Variants in NCAM2 observed in about 807,000 individuals in gnomAD.
NCAM2 encodes N-CAM-2.
Under a neutral mutation model 98.1 loss-of-function variants are expected in NCAM2, and 30 were observed. That is an observed-to-expected ratio of 0.31 (90% CI 0.23 to 0.41). NCAM2 has a LOEUF of 0.41. Among genes scored for constraint, NCAM2 ranks in the 10% least tolerant of loss-of-function variants. NCAM2 has a pLI of 1.00. For synonymous variants in NCAM2, 368 were observed against 342.4 expected, an observed-to-expected ratio of 1.07 and a Z score of -0.83; for missense variants, 867 against 1,005.8, an observed-to-expected ratio of 0.86 and a Z score of 1.87.
chr21:21,475,304 G>A (rs73216069), intron 14 of NCAM2, among the ~76,000 whole-genome samples: 2,745 of 152,048 alleles, frequency 0.018, 44 homozygotes, highest in South Asian at 0.091. Flanking sequence ...ACTTTATTAG[G>A]TATTATGTGC....
rs1990250530 is a variant in NCAM2, at chr21:21,542,006, A to C, written c.*4049A>C. On this transcript the variant is annotated 3_prime_UTR_variant, in exon 18 of 18. Transcript: ENST00000400546. ...ACTTAGTCACTCACATTGAAATTGC[A>C]TATGGATGTATCAACATAGGCTAAA... The C allele has an allele frequency of 6.6e-6, 1 of 151,948 alleles. No homozygotes were observed. The highest frequency in any genetic ancestry group is 6.6e-5 in the Admixed American group (1 of 15,218). 9.4% of individuals were successfully genotyped at this position (151,948 alleles called of 1,614,324 possible).
intron 1 of NCAM2, among the ~76,000 whole-genome samples, chr21:21,200,142 T>G (rs2069156773): frequency 6.6e-6 from 1 of 152,004 alleles, no homozygotes; most frequent in Non-Finnish European, 1.5e-5. Context: ...AAGGTAAAGT[T>G]AAGATGGGAC....
At chr21:21,143,444 A>C (rs918197110) in intron 1 of NCAM2, among the ~76,000 whole-genome samples, 1 of 152,122 alleles carries the variant, frequency 6.6e-6, no homozygotes, top group South Asian at 2.1e-4. Context: ...AATGTAATCA[A>C]ATGTACCTAA....
intron 1 of NCAM2, among the ~76,000 whole-genome samples, chr21:21,179,889 C>T (rs997617957): frequency 6.6e-6 from 1 of 152,180 alleles, no homozygotes; most frequent in Admixed American, 6.5e-5. Flanking sequence ...CAAAACTAAA[C>T]TTGGTAGCTT....
At chr21:21,513,431 T>C (rs1041042801) in intron 16 of NCAM2, among the ~76,000 whole-genome samples, 1 of 152,122 alleles carries the variant, frequency 6.6e-6, no homozygotes. Flanking sequence ...TTAATTTTCC[T>C]TTTTAATTTC....
At chr21:21,143,657 T>A (rs2067213507) in intron 1 of NCAM2, among the ~76,000 whole-genome samples, 1 of 152,070 alleles carries the variant, frequency 6.6e-6, no homozygotes, top group Non-Finnish European at 1.5e-5. Flanking sequence ...TATTTAAGTA[T>A]TTTTTTCCCT....
chr21:21,049,013 A>T (rs1035060480), intron 1 of NCAM2, among the ~76,000 whole-genome samples: 2 of 133,482 alleles, frequency 1.5e-5, no homozygotes, highest in African/African-American at 5.6e-5. Flanking sequence ...TTTACTATTA[A>T]TTTTTTTTTT....
chr21:21,135,082 A>C (rs1166362920), intron 1 of NCAM2, among the ~76,000 whole-genome samples: 2 of 49,262 alleles, frequency 4.1e-5, no homozygotes, highest in South Asian at 4.7e-4. Context: ...AAAAATACAA[A>C]AAAAAAAAAA....
intron 1 of NCAM2, among the ~76,000 whole-genome samples, chr21:21,258,326 G>A (rs1339677969): frequency 6.6e-6 from 1 of 152,068 alleles, no homozygotes; most frequent in Non-Finnish European, 1.5e-5. Flanking sequence ...GTTCTGCTCA[G>A]GACAAAGATC....
chr21:21,190,104 C>CA (rs1381655167), intron 1 of NCAM2, among the ~76,000 whole-genome samples: 1 of 152,178 alleles, frequency 6.6e-6, no homozygotes, highest in Non-Finnish European at 1.5e-5. Context: ...AGAAGAGATG[C>CA]ATTCACTGGG....
At chr21:21,354,158 T>C (rs1720033329) in intron 8 of NCAM2, among the ~76,000 whole-genome samples, 1 of 152,178 alleles carries the variant, frequency 6.6e-6, no homozygotes, top group South Asian at 2.1e-4. Flanking sequence ...TTGTATCATT[T>C]ATCATCTCTT....
chr21:21,248,424 T>A (rs7278503), intron 1 of NCAM2, among the ~76,000 whole-genome samples: 93,973 of 151,670 alleles, frequency 0.62, 29,642 homozygotes, highest in East Asian at 0.91. Context: ...AATGTTCTTT[T>A]AAAAAAAATT....
At chr21:21,438,797 G>A (rs899534181) in intron 12 of NCAM2, among the ~76,000 whole-genome samples, 3 of 151,802 alleles carry the variant, frequency 2.0e-5, no homozygotes, top group African/African-American at 7.3e-5. Context: ...ATTTTAAAAT[G>A]TTAGGCCAGG....
chr21:21,010,119 T>A (rs965505941), intron 1 of NCAM2, among the ~76,000 whole-genome samples: 4 of 152,092 alleles, frequency 2.6e-5, no homozygotes, highest in African/African-American at 9.7e-5. Flanking sequence ...AAGAAATTAC[T>A]AGTGCTTCTG....
intron 1 of NCAM2, among the ~76,000 whole-genome samples, chr21:21,248,890 T>C (rs2147276688): frequency 6.6e-6 from 1 of 151,564 alleles, no homozygotes; most frequent in Non-Finnish European, 1.5e-5. Context: ...GAACTTGCAC[T>C]TTATCTTGAA....
rs147036556 is a variant in NCAM2 at position 21,041,579 on chromosome 21, C to T, written c.55+42961C>T. The stretch of plus-strand genomic sequence containing the variant: ...TTACATTAAAGAGTAGTGCCTGAAC[C>T]TGGTGGGAACATTTTATTATGCAGG... On this transcript the variant is annotated intron_variant, in intron 1 of 17. Transcript: ENST00000400546. Among the ~76,000 whole-genome samples, 14 of 152,264 alleles carry T rather than the reference C, an allele frequency of 9.2e-5. No homozygotes were observed. The East Asian group carries it at 2.1e-3, about 23-fold the overall frequency.
intron 1 of NCAM2, among the ~76,000 whole-genome samples, chr21:21,125,357 T>TTTTACATATATATGTAATATATAATAC (rs2066767506): frequency 1.4e-5 from 2 of 147,010 alleles, no homozygotes; most frequent in African/African-American, 5.0e-5. Context: ...GGAGATAATA[T>TTTTACATATATATGTAATATATAATAC]TTTACATATA....
Position 20,998,505 on chromosome 21 carries a change from C to T in NCAM2, c.-59C>T, listed in dbSNP as rs2063959136. 2.1e-5 allele frequency: 33 copies of T among 1,560,008 alleles called. No individual in the cohort carries two copies. The highest frequency in any genetic ancestry group is 2.9e-5 in the Non-Finnish European group (33 of 1,139,962). ...GAGGCGGCCGGGGCAGCGAAAGGTT[C>T]TCTCTCCAGGGCTGGACTTAATAAC... On this transcript the variant is annotated 5_prime_UTR_variant, in exon 1 of 18. Transcript: ENST00000400546.
At chr21:21,462,132 T>G (rs963810581) in intron 12 of NCAM2, among the ~76,000 whole-genome samples, 1 of 152,028 alleles carries the variant, frequency 6.6e-6, no homozygotes, top group African/African-American at 2.4e-5. Flanking sequence ...TAACACCAAG[T>G]GTTATTTTGG....
Sources: allele counts gnomAD v4.1 joint callset (sites outside exome capture counted in the v4.1 genomes callset), GRCh38; gene constraint gnomAD v4.1.1; transcripts MANE v1.5; gene names NCBI Gene and HGNC (gene_info 2026-07-23, HGNC 2026-07-21).